The following ARNT2 variants were observed in gnomAD, a reference collection of about 807,000 sequenced individuals.
The protein encoded by ARNT2 is ARNT protein 2.
In ARNT2, 36 loss-of-function variants were observed where a neutral mutation model predicts 91.7. The ratio of observed to expected loss-of-function variants is 0.39; its 90% CI spans 0.30 to 0.52. ARNT2 has a LOEUF of 0.52. Ranked by LOEUF, ARNT2 falls within the 20% of genes least tolerant of loss-of-function variation. ARNT2 has a pLI of 0.72. For synonymous variants in ARNT2, 365 were observed against 347.1 expected (o/e 1.05, Z -0.57); for missense variants, 775 against 939.3 (o/e 0.83, Z 2.29).
chr15:80,522,222 G>A (rs376275587), intron 8 of ARNT2, among the ~76,000 whole-genome samples: 25 of 152,032 alleles, frequency 1.6e-4, no homozygotes, highest in South Asian at 1.0e-3. Context: ...TCATTTAATC[G>A]TCACAACAGC....
chr15:80,536,217 C>G (rs1292571143), intron 8 of ARNT2, among the ~76,000 whole-genome samples: 2 of 152,236 alleles, frequency 1.3e-5, no homozygotes, highest in African/African-American at 4.8e-5. Context: ...ACAGTTCTCT[C>G]TCCTGTGAGA....
At chr15:80,520,663 G>A (rs148195549) in intron 8 of ARNT2, among the ~76,000 whole-genome samples, 86 of 152,206 alleles carry the variant, frequency 5.7e-4, no homozygotes, top group Middle Eastern at 6.8e-3. Context: ...AGATGATAAC[G>A]TGAGTGTATA....
intron 8 of ARNT2, among the ~76,000 whole-genome samples, chr15:80,515,751 T>A (rs1018302579): frequency 7.0e-6 from 1 of 143,518 alleles, no homozygotes; most frequent in Non-Finnish European, 1.5e-5. Flanking sequence ...AAAAAAAAAA[T>A]ACAATGTTAA....
At chr15:80,564,961 G>A (rs1057432054) in intron 12 of ARNT2, among the ~76,000 whole-genome samples, 5 of 147,186 alleles carry the variant, frequency 3.4e-5, no homozygotes, top group African/African-American at 7.6e-5. Flanking sequence ...ATCTCACTCC[G>A]TCACCTAGGC....
At chr15:80,410,441 G>A (rs913743220) in intron 1 of ARNT2, among the ~76,000 whole-genome samples, 2 of 152,140 alleles carry the variant, frequency 1.3e-5, no homozygotes, top group African/African-American at 4.8e-5. Flanking sequence ...CTTCAGTATT[G>A]GACAGCTGAG....
At chr15:80,522,760 C>T (rs367797270) in intron 8 of ARNT2, among the ~76,000 whole-genome samples, 40 of 144,540 alleles carry the variant, frequency 2.8e-4, no homozygotes, top group African/African-American at 1.0e-3. Flanking sequence ...TGTACATACA[C>T]ATATATATAT....
chr15:80,485,442 C>G (rs573816364), intron 5 of ARNT2, among the ~76,000 whole-genome samples: 6 of 152,276 alleles, frequency 3.9e-5, no homozygotes, highest in Admixed American at 6.5e-5. Flanking sequence ...ATGAATAAAA[C>G]CCATGTGGCC....
intron 5 of ARNT2, among the ~76,000 whole-genome samples, chr15:80,484,960 T>G (rs570418239): frequency 6.6e-6 from 1 of 152,376 alleles, no homozygotes; most frequent in East Asian, 1.9e-4. Flanking sequence ...GTTTTCTCGC[T>G]TGTAAATGCA....
chr15:80,427,960 A>G (rs1211457455), intron 1 of ARNT2, among the ~76,000 whole-genome samples: 1 of 152,132 alleles, frequency 6.6e-6, no homozygotes, highest in Admixed American at 6.5e-5. Flanking sequence ...TCTCTCTCCC[A>G]CTGTCTTCTC....
At chr15:80,409,964 C>T (rs895496121) in intron 1 of ARNT2, among the ~76,000 whole-genome samples, 2 of 152,122 alleles carry the variant, frequency 1.3e-5, no homozygotes, top group African/African-American at 2.4e-5. Flanking sequence ...GGCCAGCTCA[C>T]GGGGGACCAC....
At chr15:80,412,407 T>G (rs1297363824) in intron 1 of ARNT2, among the ~76,000 whole-genome samples, 2 of 152,188 alleles carry the variant, frequency 1.3e-5, no homozygotes, top group African/African-American at 2.4e-5. Context: ...TTGTAAAAAA[T>G]TTGGAAAATG....
chr15:80,577,069 G>C, intron 15 of ARNT2, 104 bp downstream of exon 15: 4 of 1,150,308 alleles, frequency 3.5e-6, no homozygotes, highest in Non-Finnish European at 5.1e-6. Flanking sequence ...TGAGTTAGTG[G>C]TTACTGGCGC....
At chr15:80,551,925 C>T (rs763712404) in intron 9 of ARNT2, among the ~76,000 whole-genome samples, 24 of 152,294 alleles carry the variant, frequency 1.6e-4, no homozygotes, top group Middle Eastern at 3.4e-3. Flanking sequence ...AGTGCATGCT[C>T]ATCCCCGCAA....
At chr15:80,489,396 A>G (rs1897021548) in intron 5 of ARNT2, among the ~76,000 whole-genome samples, 1 of 152,218 alleles carries the variant, frequency 6.6e-6, no homozygotes, top group Admixed American at 6.5e-5. Flanking sequence ...GCCTCCCTGG[A>G]CAGTCATTTG....
intron 1 of ARNT2, among the ~76,000 whole-genome samples, chr15:80,438,908 C>G (rs775883507): frequency 6.6e-6 from 1 of 152,206 alleles, no homozygotes; most frequent in Non-Finnish European, 1.5e-5. Context: ...CCAGACTGGT[C>G]TCGAACTCGT....
intron 5 of ARNT2, among the ~76,000 whole-genome samples, chr15:80,490,601 G>T (rs1285850865): frequency 2.0e-5 from 3 of 152,236 alleles, no homozygotes; most frequent in Admixed American, 2.0e-4. Context: ...CCTCCATGTG[G>T]ATGCAGACCC....
chr15:80,440,314 C>T (rs1287165805), intron 1 of ARNT2, among the ~76,000 whole-genome samples: 3 of 152,208 alleles, frequency 2.0e-5, no homozygotes, highest in Non-Finnish European at 2.9e-5. Context: ...ATGGGTCACT[C>T]ATCCTTGTTG....
chr15:80,539,700 C>T (rs1331147689), intron 8 of ARNT2, among the ~76,000 whole-genome samples: 4 of 151,978 alleles, frequency 2.6e-5, no homozygotes, highest in African/African-American at 9.7e-5. Flanking sequence ...CTAATCCAGT[C>T]ACTGGAAAAT....
chr15:80,435,928 C>T (rs1223771351), intron 1 of ARNT2, among the ~76,000 whole-genome samples: 2 of 152,290 alleles, frequency 1.3e-5, no homozygotes, highest in Admixed American at 6.5e-5. Context: ...GTCCCAGCTA[C>T]GATGCCATGC....
Sources: allele counts gnomAD v4.1 joint callset (sites outside exome capture counted in the v4.1 genomes callset), GRCh38; gene constraint gnomAD v4.1.1; transcripts MANE v1.5; gene names NCBI Gene and HGNC (gene_info 2026-07-23, HGNC 2026-07-21).